KLF12: variants seen among roughly 807,000 people sequenced by gnomAD.
KLF12 encodes Krueppel-like factor 12.
A neutral mutation model predicts 37.8 loss-of-function variants in KLF12; 9 were observed. The observed-to-expected ratio is 0.24, with a 90% CI of 0.14 to 0.42. The LOEUF (loss-of-function observed/expected upper bound fraction) is 0.42. KLF12 is among the 10% of genes least tolerant of loss of function. The pLI, the probability that KLF12 is intolerant of heterozygous loss-of-function variation, is 1.00. For synonymous variants in KLF12, 208 were observed against 202.1 expected (o/e 1.03, Z -0.25); for missense variants, 411 against 516.0 (o/e 0.80, Z 1.97).
At chr13:73,826,857 C>A (rs1324040674) in intron 4 of KLF12, among the ~76,000 whole-genome samples, 2 of 152,134 alleles carry the variant, frequency 1.3e-5, no homozygotes, top group Non-Finnish European at 2.9e-5. Flanking sequence ...TCTCGGCTCA[C>A]TGTAGACTTG....
At chr13:73,758,110 G>C (rs1026328356) in intron 6 of KLF12, among the ~76,000 whole-genome samples, 3 of 151,698 alleles carry the variant, frequency 2.0e-5, no homozygotes, top group Non-Finnish European at 4.4e-5. Flanking sequence ...ATGTTGCCTG[G>C]GCTGGTCTTG....
intron 3 of KLF12, among the ~76,000 whole-genome samples, chr13:73,848,902 C>T (rs558230217): frequency 2.0e-5 from 3 of 152,176 alleles, no homozygotes; most frequent in Non-Finnish European, 4.4e-5. Flanking sequence ...AGCTAGCACA[C>T]TCAAAAATAA....
At chr13:73,995,096 C>T in intron 1 of KLF12, 43 bp from the exon 2 acceptor site, 3 of 1,349,156 alleles carry the variant, frequency 2.2e-6, no homozygotes, top group East Asian at 4.7e-5. Flanking sequence ...GAAAGTTCTA[C>T]AACTTGATGT....
intron 5 of KLF12, chr13:73,801,430 A>G (rs1301914781): frequency 6.6e-6 from 1 of 152,110 alleles, no homozygotes; most frequent in African/African-American, 2.4e-5. Flanking sequence ...TGAAATAGTG[A>G]TGAATGGTTC....
At chr13:74,079,706 G>C (rs760538586) in intron 1 of KLF12, among the ~76,000 whole-genome samples, 9 of 152,152 alleles carry the variant, frequency 5.9e-5, no homozygotes, top group Non-Finnish European at 1.3e-4. Flanking sequence ...CACCTATTAG[G>C]ATGGCTACTA....
the KLF12 span, among the ~76,000 whole-genome samples, chr13:74,254,603 T>C: frequency 6.6e-6 from 1 of 152,184 alleles, no homozygotes; most frequent in African/African-American, 2.4e-5. Context: ...AACCATTCTG[T>C]CCATTGCCTG....
chr13:74,210,119 A>T, the KLF12 span, among the ~76,000 whole-genome samples: 1 of 152,202 alleles, frequency 6.6e-6, no homozygotes, highest in African/African-American at 2.4e-5. Flanking sequence ...CATTGCAAAG[A>T]GATTAGAAAG....
At chr13:74,008,138 T>A (rs1291751826) in intron 1 of KLF12, among the ~76,000 whole-genome samples, 1 of 152,212 alleles carries the variant, frequency 6.6e-6, no homozygotes, top group Non-Finnish European at 1.5e-5. Context: ...CTGAGGCATA[T>A]ACTTATGATT....
chr13:73,931,722 T>A (rs571891014), intron 3 of KLF12, among the ~76,000 whole-genome samples: 3 of 152,140 alleles, frequency 2.0e-5, no homozygotes, highest in African/African-American at 4.8e-5. Context: ...ATAATGCTGA[T>A]TGGGGAAAAA....
the KLF12 span, among the ~76,000 whole-genome samples, chr13:74,205,821 C>T: frequency 6.6e-6 from 1 of 151,986 alleles, no homozygotes; most frequent in Non-Finnish European, 1.5e-5. Context: ...TCAGGGTGGG[C>T]TGCAAAAAGA....
chr13:74,185,445 A>G, the KLF12 span, among the ~76,000 whole-genome samples: 8 of 152,152 alleles, frequency 5.3e-5, no homozygotes, highest in African/African-American at 1.7e-4. Flanking sequence ...AACTCCATCA[A>G]TAATTTGGAG....
chr13:73,964,690 G>A (rs1353092091), intron 2 of KLF12, among the ~76,000 whole-genome samples: 2 of 151,548 alleles, frequency 1.3e-5, no homozygotes, highest in African/African-American at 4.9e-5. Flanking sequence ...CTTTCAAAAA[G>A]GTATCAGAAG....
intron 2 of KLF12, among the ~76,000 whole-genome samples, chr13:73,948,779 G>C (rs769625947): frequency 2.6e-5 from 4 of 152,102 alleles, no homozygotes; most frequent in African/African-American, 4.8e-5. Flanking sequence ...CAAAACCTTT[G>C]CTTATATACA....
chr13:73,771,695 C>T (rs906379850), intron 5 of KLF12, among the ~76,000 whole-genome samples: 54 of 152,168 alleles, frequency 3.5e-4, no homozygotes, highest in African/African-American at 9.9e-4. Context: ...AGGCAGCTTA[C>T]AGTCCAGTTG....
intron 6 of KLF12, among the ~76,000 whole-genome samples, chr13:73,750,740 T>C (rs1312992384): frequency 7.7e-6 from 1 of 129,898 alleles, no homozygotes; most frequent in East Asian, 2.0e-4. Context: ...ATCACCTAGG[T>C]ATTACGCCCA....
chr13:73,705,516 T>C (rs953015895), intron 7 of KLF12, among the ~76,000 whole-genome samples: 3 of 152,158 alleles, frequency 2.0e-5, no homozygotes, highest in Admixed American at 2.0e-4. Context: ...CAGATGATCC[T>C]CCCACGTCAG....
intron 4 of KLF12, among the ~76,000 whole-genome samples, chr13:73,827,332 T>C (rs1883905004): frequency 6.6e-6 from 1 of 152,162 alleles, no homozygotes; most frequent in Non-Finnish European, 1.5e-5. Context: ...GCCAAATTGA[T>C]CTCCAAAGTT....
intron 1 of KLF12, among the ~76,000 whole-genome samples, chr13:74,047,600 T>TAA (rs10594023): frequency 6.8e-6 from 1 of 146,320 alleles, no homozygotes. Flanking sequence ...CCATCTCAAA[T>TAA]AAAAAAAAAA....
chr13:74,124,825 G>C (rs1459806038), intron 1 of KLF12, among the ~76,000 whole-genome samples: 1 of 152,154 alleles, frequency 6.6e-6, no homozygotes, highest in East Asian at 1.9e-4. Flanking sequence ...TTTTTAATTT[G>C]CATTCATCCA....
Sources: allele counts gnomAD v4.1 joint callset (sites outside exome capture counted in the v4.1 genomes callset), GRCh38; gene constraint gnomAD v4.1.1; transcripts MANE v1.5; gene names NCBI Gene and HGNC (gene_info 2026-07-23, HGNC 2026-07-21).